Variants in GRIN2A observed in about 807,000 individuals in gnomAD.
GRIN2A encodes the protein glutamate receptor ionotropic, NMDA 2A.
GRIN2A carries 22 observed loss-of-function variants against 113.4 expected under a neutral mutation model. The ratio of observed to expected loss-of-function variants is 0.19; its 90% CI spans 0.14 to 0.28. GRIN2A has a LOEUF of 0.28. GRIN2A is among the 10% of genes least tolerant of loss of function. The pLI, the probability that GRIN2A is intolerant of heterozygous loss-of-function variation, is 1.00. For synonymous variants in GRIN2A, 827 were observed against 738.4 expected (o/e 1.12, Z -1.94); for missense variants, 1,502 against 1,887.0 (o/e 0.80, Z 3.78).
chr16:10,019,360 T>C (rs1161759219), intron 2 of GRIN2A, among the ~76,000 whole-genome samples: 1 of 152,200 alleles, frequency 6.6e-6, no homozygotes, highest in African/African-American at 2.4e-5. Context: ...AGATTATGCA[T>C]GGAAAGCATC....
chr16:10,095,897 CA>C (rs1196081901), intron 2 of GRIN2A, among the ~76,000 whole-genome samples: 5 of 151,982 alleles, frequency 3.3e-5, no homozygotes, highest in Non-Finnish European at 7.4e-5. Context: ...AGAAATAGGG[CA>C]AAATGTAAGC....
intron 3 of GRIN2A, among the ~76,000 whole-genome samples, chr16:9,921,411 A>G (rs186733892): frequency 6.6e-6 from 1 of 152,296 alleles, no homozygotes; most frequent in Non-Finnish European, 1.5e-5. Context: ...GAGAAGCCAG[A>G]GAATCAGAAG....
At chr16:9,777,001 T>C (rs1901643601) in intron 11 of GRIN2A, among the ~76,000 whole-genome samples, 1 of 152,044 alleles carries the variant, frequency 6.6e-6, no homozygotes, top group African/African-American at 2.4e-5. Context: ...TGAAAGGAAG[T>C]TGTGTATCAG....
intron 2 of GRIN2A, among the ~76,000 whole-genome samples, chr16:10,049,877 T>C (rs555351356): frequency 1.2e-3 from 180 of 152,318 alleles, no homozygotes; most frequent in Admixed American, 2.4e-3. Context: ...TAATATTTGC[T>C]GACTGAAAGG....
chr16:9,949,932 G>A (rs1279579564), intron 2 of GRIN2A, among the ~76,000 whole-genome samples: 1 of 152,174 alleles, frequency 6.6e-6, no homozygotes, highest in African/African-American at 2.4e-5. Flanking sequence ...AACAGGGGGT[G>A]TGAAATGAGG....
intron 2 of GRIN2A, among the ~76,000 whole-genome samples, chr16:10,103,743 T>C (rs1239941894): frequency 6.6e-6 from 1 of 152,228 alleles, no homozygotes; most frequent in Non-Finnish European, 1.5e-5. Flanking sequence ...AGCCAGCTCA[T>C]AGCTCTTCCA....
chr16:9,799,964 A>ATATTATTAT (rs71400498), intron 10 of GRIN2A, among the ~76,000 whole-genome samples: 35 of 149,632 alleles, frequency 2.3e-4, no homozygotes, highest in African/African-American at 6.7e-4. Flanking sequence ...CTGTGCCTAA[A>ATATTATTAT]TATTATTATT....
intron 2 of GRIN2A, among the ~76,000 whole-genome samples, chr16:10,131,471 ATT>A (rs34673023): frequency 2.0e-4 from 29 of 144,312 alleles, no homozygotes; most frequent in East Asian, 1.0e-3. Flanking sequence ...CACTTATCCC[ATT>A]TTTTTTTTTT....
intron 2 of GRIN2A, among the ~76,000 whole-genome samples, chr16:10,071,436 T>A (rs186658011): frequency 2.6e-5 from 4 of 152,310 alleles, no homozygotes; most frequent in Admixed American, 2.6e-4. Flanking sequence ...ATGAATCTTG[T>A]TAAGAATTTG....
intron 2 of GRIN2A, among the ~76,000 whole-genome samples, chr16:9,984,068 T>C (rs2045938866): frequency 6.6e-6 from 1 of 152,246 alleles, no homozygotes. Context: ...TTACTTTTTG[T>C]ATTTTTGATA....
chr16:10,039,252 G>A (rs1463814685), intron 2 of GRIN2A, among the ~76,000 whole-genome samples: 1 of 152,162 alleles, frequency 6.6e-6, no homozygotes, highest in Non-Finnish European at 1.5e-5. Flanking sequence ...AGGTTTGGCT[G>A]CATCTAGCGT....
chr16:10,160,150 A>G (rs1029649258), intron 2 of GRIN2A, among the ~76,000 whole-genome samples: 27 of 152,256 alleles, frequency 1.8e-4, no homozygotes, highest in African/African-American at 5.1e-4. Flanking sequence ...AATTTATTAC[A>G]GCAGCTGTAG....
In GRIN2A at chr16:10,139,734, G is replaced by A. The variant is rs146799701; in HGVS notation, c.414+40264C>T. On this transcript the variant is annotated intron_variant, in intron 2 of 12. Coordinates refer to ENST00000330684, the MANE Select transcript of GRIN2A (RefSeq NM_001134407.3). ...AGGTTGTAAGTTTAAAGAGCTCACA[G>A]GTTATTTTTAATATCAGAGAGGTTT... is the stretch of plus-strand genomic sequence containing the variant. Among the ~76,000 whole-genome samples, 578 of 152,342 alleles carry A rather than the reference G, an allele frequency of 3.8e-3. 2 individuals carry two copies. The highest frequency in any genetic ancestry group is 0.011 in the African/African-American group (478 of 41,582).
chr16:10,040,678 C>T (rs1181644810), intron 2 of GRIN2A, among the ~76,000 whole-genome samples: 1 of 151,906 alleles, frequency 6.6e-6, no homozygotes, highest in Non-Finnish European at 1.5e-5. Context: ...CACATGTGCA[C>T]ACACAAACCT....
intron 2 of GRIN2A, among the ~76,000 whole-genome samples, chr16:9,955,400 T>C (rs1199436130): frequency 6.6e-6 from 1 of 152,200 alleles, no homozygotes; most frequent in Non-Finnish European, 1.5e-5. Context: ...TAGATCATCA[T>C]TTCCTAAGGG....
intron 5 of GRIN2A, among the ~76,000 whole-genome samples, chr16:9,846,338 T>C (rs947912770): frequency 6.6e-6 from 1 of 152,216 alleles, no homozygotes; most frequent in Non-Finnish European, 1.5e-5. Context: ...TATTCCATGA[T>C]GTATTCAGGA....
chr16:10,101,779 C>G (rs192605725), intron 2 of GRIN2A, among the ~76,000 whole-genome samples: 1 of 152,196 alleles, frequency 6.6e-6, no homozygotes, highest in Non-Finnish European at 1.5e-5. Flanking sequence ...AAAAGCATCC[C>G]TCACACAACC....
intron 11 of GRIN2A, among the ~76,000 whole-genome samples, chr16:9,780,994 C>T (rs200681347): frequency 5.5e-5 from 8 of 145,338 alleles, no homozygotes; most frequent in East Asian, 2.0e-4. Context: ...GGTCACTAAT[C>T]TTTTTTTTTT....
At chr16:10,030,324 T>C (rs1217556457) in intron 2 of GRIN2A, among the ~76,000 whole-genome samples, 3 of 152,184 alleles carry the variant, frequency 2.0e-5, no homozygotes, top group African/African-American at 7.2e-5. Context: ...CCTATGCCCT[T>C]CTCTGCTCCA....
Sources: allele counts gnomAD v4.1 joint callset (sites outside exome capture counted in the v4.1 genomes callset), GRCh38; gene constraint gnomAD v4.1.1; transcripts MANE v1.5; gene names NCBI Gene and HGNC (gene_info 2026-07-23, HGNC 2026-07-21).